MEAF6: variants seen among roughly 807,000 people sequenced by gnomAD.
MEAF6 encodes MYST/Esa1 associated factor 6, also known as chromatin modification-related protein MEAF6.
In MEAF6, 15 loss-of-function variants were observed where a neutral mutation model predicts 28.9. That is an observed-to-expected ratio of 0.52 (90% CI 0.35 to 0.80). The LOEUF is 0.80. Ranked by LOEUF, MEAF6 falls within the 30% of genes least tolerant of loss-of-function variation. The probability of loss-of-function intolerance (pLI) is 0.01; values close to 1 mark genes in which losing one functional copy is unlikely to be tolerated. For synonymous variants in MEAF6, 97 were observed against 88.7 expected (o/e 1.09, Z -0.53); for missense variants, 178 against 237.5 (o/e 0.75, Z 1.65).
At chr1:37,504,101 T>C (rs1253113596) in intron 4 of MEAF6, among the ~76,000 whole-genome samples, 1 of 152,200 alleles carries the variant, frequency 6.6e-6, no homozygotes. Context: ...ATGCTATTCC[T>C]GTGATAGTGA....
chr1:37,500,414 C>T lies in MEAF6; in HGVS notation c.533+1390G>A, dbSNP rs560708133. On this transcript the variant is annotated intron_variant, in intron 5 of 6. Transcript: ENST00000296214. ...TTTAAGAATATATTTCTCTGTTATT[C>T]GTGATAAGCTAGCACCAGTCTTACT... Among the ~76,000 whole-genome samples the T allele has an allele frequency of 1.5e-4, 23 of 152,244 alleles. No homozygotes were observed. The East Asian group carries it at 2.9e-3, about 19-fold the overall frequency.
chr1:37,494,148 G>T, intron 6 of MEAF6, 41 bp from the exon 7 acceptor site: 1 of 1,560,720 alleles, frequency 6.4e-7, no homozygotes. Flanking sequence ...ACTCTCGGCA[G>T]AACAGTTGTT....
intron 2 of MEAF6, among the ~76,000 whole-genome samples, chr1:37,511,177 G>A (rs72657775): frequency 0.051 from 7,754 of 152,260 alleles, 290 homozygotes; most frequent in Non-Finnish European, 0.077. Context: ...AATGCAAAAG[G>A]TAAGTATGGG....
intron 2 of MEAF6, among the ~76,000 whole-genome samples, chr1:37,512,209 C>CTA (rs1642692916): frequency 6.6e-6 from 1 of 152,106 alleles, no homozygotes; most frequent in Non-Finnish European, 1.5e-5. Flanking sequence ...TGACACAGAA[C>CTA]TATATATATA....
intron 4 of MEAF6, among the ~76,000 whole-genome samples, chr1:37,503,951 TC>T (rs1259470168): frequency 1.3e-5 from 2 of 152,106 alleles, no homozygotes; most frequent in Non-Finnish European, 2.9e-5. Flanking sequence ...AGAACGAGAC[TC>T]CATCTCAAAA....
chr1:37,513,518 C>T lies in MEAF6; in HGVS notation c.111G>A (p.Glu37=). 6.2e-7 allele frequency: 1 copy of T among 1,614,116 alleles called. No individual in the cohort carries two copies. The highest frequency in any genetic ancestry group is 8.5e-7 in the Non-Finnish European group (1 of 1,179,962). ...QELAETLANL[E]RQIYAFEGSY... is the part of the protein sequence containing the mutation. The stretch of plus-strand genomic sequence containing the variant: ...TTCCCTCAAAAGCATAGATCTGTCG[C>T]TCCAAATTTGCCAATGTTTCCTGAG... The change falls in exon 2 of 7, where the codon GAG becomes GAA. Residue 37 remains glutamate, a synonymous_variant. Coordinates refer to ENST00000296214, the MANE Select transcript of MEAF6 (RefSeq NM_001270875.3).
Position 37,509,447 on chromosome 1 carries a change from CTACTT to C in MEAF6, c.294+3_294+7del. On this transcript the variant is annotated splice_donor_5th_base_variant and intron_variant, in intron 3 of 6. Coordinates refer to ENST00000296214, the MANE Select transcript of MEAF6 (RefSeq NM_001270875.3). Reference sequence around the variant, plus strand: ...CCAAAGAAAGATTCCCCCACCACCACTACTTACAGCTGCTGAGGTAACCGAGGATT... The same window carrying C: ...CCAAAGAAAGATTCCCCCACCACCACACAGCTGCTGAGGTAACCGAGGATT... 6.2e-7 allele frequency: 1 copy of C among 1,613,476 alleles called. No individual in the cohort carries two copies. The highest frequency in any genetic ancestry group is 8.5e-7 in the Non-Finnish European group (1 of 1,179,744).
chr1:37,491,567 C>A lies in MEAF6; in HGVS notation c.*2532G>T, dbSNP rs974473282. On this transcript the variant is annotated 3_prime_UTR_variant, in exon 7 of 7. Coordinates refer to ENST00000296214, the MANE Select transcript of MEAF6 (RefSeq NM_001270875.3). Reference sequence around the variant, plus strand: ...GTTTTAAATTAGCTGGGAATGGTGGCATGCACCTATAGTCCCAGGTACTAG... The same window carrying A: ...GTTTTAAATTAGCTGGGAATGGTGGAATGCACCTATAGTCCCAGGTACTAG... Among the ~76,000 whole-genome samples, 45 of 152,232 alleles carry A rather than the reference C, an allele frequency of 3.0e-4. No individual in the cohort carries two copies. The highest frequency in any genetic ancestry group is 9.9e-4 in the African/African-American group (41 of 41,546).
At chr1:37,513,007 T>C (rs1401662846) in intron 2 of MEAF6, among the ~76,000 whole-genome samples, 3 of 151,884 alleles carry the variant, frequency 2.0e-5, no homozygotes, top group African/African-American at 2.4e-5. Context: ...CAGGCCAACA[T>C]GGAGAAACCT....
rs1197123402 is a variant in MEAF6, at chr1:37,491,944, G to A, written c.*2155C>T. Reference sequence around the variant, plus strand: ...TTTTTTTTTTTTTTGACAGAGTCTCGCTCTGTCGCCCAGGCTGCTGGAGTG... The same window carrying A: ...TTTTTTTTTTTTTTGACAGAGTCTCACTCTGTCGCCCAGGCTGCTGGAGTG... On this transcript the variant is annotated 3_prime_UTR_variant, in exon 7 of 7. Transcript: ENST00000296214. Among the ~76,000 whole-genome samples the A allele has an allele frequency of 1.4e-5, 2 of 141,372 alleles. No homozygotes were observed. The highest frequency in any genetic ancestry group is 5.2e-5 in the African/African-American group (2 of 38,236). 92.7% of individuals were successfully genotyped at this position (141,372 alleles called of 152,430 possible). A position where few individuals can be genotyped will look rare whatever the true frequency, so the allele number is the denominator to read the frequency against.
chr1:37,500,073 G>A (rs920241273), intron 5 of MEAF6, among the ~76,000 whole-genome samples: 6 of 152,198 alleles, frequency 3.9e-5, no homozygotes, highest in African/African-American at 7.2e-5. Context: ...TTGGGAGGCC[G>A]AGGCAGGTGG....
chr1:37,492,397 C>T lies in MEAF6; in HGVS notation c.*1702G>A, dbSNP rs1641965369. On this transcript the variant is annotated 3_prime_UTR_variant, in exon 7 of 7. Coordinates refer to ENST00000296214, the MANE Select transcript of MEAF6 (RefSeq NM_001270875.3). ...AAGGAAGGAAACTGTAGGCATCCCACTCCTCCCTCCCAGCAAAGGAGACCA... is the reference window on the plus strand; with the variant it reads ...AAGGAAGGAAACTGTAGGCATCCCATTCCTCCCTCCCAGCAAAGGAGACCA... Among the ~76,000 whole-genome samples the T allele has an allele frequency of 6.6e-6, 1 of 151,858 alleles. No homozygotes were observed. The highest frequency in any genetic ancestry group is 2.1e-4 in the South Asian group (1 of 4,812).
rs1569993561 is a variant in MEAF6 at position 37,513,417 on chromosome 1, A to G, written c.206+6T>C. On this transcript the variant is annotated splice_donor_region_variant and intron_variant, in intron 2 of 6. Coordinates refer to ENST00000296214, the MANE Select transcript of MEAF6 (RefSeq NM_001270875.3). ...AATAGGAACACTACAGGCTTTCGAC[A>G]CTCACTTTTGGTTGGTCAGATACCG... is the stretch of plus-strand genomic sequence containing the variant. 6.2e-7 allele frequency: 1 copy of G among 1,609,192 alleles called. No individual in the cohort carries two copies. Among genetic ancestry groups the G allele is most frequent in the East Asian group, 2.2e-5 (1 of 44,854 alleles).
At chr1:37,501,561 T>C (rs1642304625) in intron 5 of MEAF6, 1 of 370,340 alleles carries the variant, frequency 2.7e-6, no homozygotes, top group Non-Finnish European at 4.8e-6. Context: ...AAGGTTTTTA[T>C]GGAATAAAAC....
intron 6 of MEAF6, among the ~76,000 whole-genome samples, chr1:37,495,160 C>T (rs1433622707): frequency 6.6e-6 from 1 of 151,438 alleles, no homozygotes; most frequent in Non-Finnish European, 1.5e-5. Context: ...TGGTGAAACC[C>T]TGTCTCTACT....
At chr1:37,503,957 T>C (rs1642395894) in intron 4 of MEAF6, among the ~76,000 whole-genome samples, 1 of 152,050 alleles carries the variant, frequency 6.6e-6, no homozygotes, top group African/African-American at 2.4e-5. Flanking sequence ...AGACTCCATC[T>C]CAAAAAAAAG....
rs778752660 is a variant in MEAF6, at chr1:37,494,113, G to A, written c.568-6C>T. On this transcript the variant is annotated splice_region_variant and splice_polypyrimidine_tract_variant and intron_variant, in intron 6 of 6. Coordinates refer to ENST00000296214, the MANE Select transcript of MEAF6 (RefSeq NM_001270875.3). ...TAATGTGTCTTCTAATAGTCCTAAA[G>A]AAAGAAAAACAAAAGTCCCAACTTA... 18 of 1,610,124 alleles carry A rather than the reference G, an allele frequency of 1.1e-5. No individual in the cohort carries two copies. The highest frequency in any genetic ancestry group is 1.4e-5 in the Non-Finnish European group (16 of 1,178,244).
intron 2 of MEAF6, among the ~76,000 whole-genome samples, chr1:37,510,900 T>C (rs1642648515): frequency 6.6e-6 from 1 of 151,638 alleles, no homozygotes. Flanking sequence ...TTTTGTACTT[T>C]TAGTAGAGAC....
intron 4 of MEAF6, among the ~76,000 whole-genome samples, chr1:37,507,820 G>A (rs12117742): frequency 0.053 from 7,919 of 148,604 alleles, 261 homozygotes; most frequent in South Asian, 0.14. Context: ...GCGAGACTCC[G>A]TCTTAAAAAA....
Sources: allele counts gnomAD v4.1 joint callset (sites outside exome capture counted in the v4.1 genomes callset), GRCh38; gene constraint gnomAD v4.1.1; transcripts MANE v1.5; gene names NCBI Gene and HGNC (gene_info 2026-07-23, HGNC 2026-07-21).